Variants in PCDHGB5 observed in about 807,000 individuals in gnomAD.
The protein encoded by PCDHGB5 is protocadherin gamma-B5.
PCDHGB5 carries 48 observed loss-of-function variants against 62.9 expected under a neutral mutation model. The ratio of observed to expected loss-of-function variants is 0.76; its 90% CI spans 0.61 to 0.97. The LOEUF is 0.97. PCDHGB5 is among the 50% of genes least tolerant of loss of function. The pLI, the probability that PCDHGB5 is intolerant of heterozygous loss-of-function variation, is 0.00. For missense variants in PCDHGB5, 1,118 were observed against 1,198.6 expected (o/e 0.93, Z 0.99); for synonymous variants, 474 against 511.2 (o/e 0.93, Z 0.98).
intron 1 of PCDHGB5, chr5:141,418,934 G>T (rs1163951447): frequency 6.2e-7 from 1 of 1,614,056 alleles, no homozygotes; most frequent in African/African-American, 1.3e-5. Context: ...GATTATGGAG[G>T]ATTCCCCTCC....
intron 1 of PCDHGB5, chr5:141,415,444 T>A (rs770800491): frequency 1.9e-6 from 3 of 1,614,184 alleles, no homozygotes; most frequent in Non-Finnish European, 2.5e-6. Context: ...CCTGCAGACC[T>A]ATTCCCACGA....
rs1408248560 is a variant in PCDHGB5 at position 141,475,829 on chromosome 5, G to C, written c.2398-18978G>C. On this transcript the variant is annotated intron_variant, in intron 1 of 3. Coordinates refer to ENST00000617380, the MANE Select transcript of PCDHGB5 (RefSeq NM_018925.3). ...AAAGTGAAGTTCCTGGCGCTAGCGC[G>C]TGTCCTGCTCAGAGAGCCCGGCGCT... The C allele has an allele frequency of 1.0e-5, 4 of 386,748 alleles. No individual in the cohort carries two copies. In the South Asian group the frequency reaches 1.4e-4, roughly 14 times the overall value. The allele number at this position is 386,748 out of a possible 1,614,324, so 24.0% of individuals were successfully genotyped here. A position where few individuals can be genotyped will look rare whatever the true frequency, so the allele number is the denominator to read the frequency against.
intron 1 of PCDHGB5, chr5:141,420,411 T>C: frequency 8.1e-7 from 1 of 1,229,398 alleles, no homozygotes; most frequent in Non-Finnish European, 1.1e-6. Context: ...ATGGTTATCA[T>C]TATTAAAACA....
In PCDHGB5 at chr5:141,399,557, TG is replaced by T; in HGVS notation, c.1434del (p.Leu479Ter). The T allele has an allele frequency of 6.2e-7, 1 of 1,613,968 alleles. No homozygotes were observed. The highest frequency in any genetic ancestry group is 8.5e-7 in the Non-Finnish European group (1 of 1,179,868). Reference sequence around the variant, plus strand: ...CAAGTCTGCGCCTCGGACCTGGACTTGGGGTTGAACGGCCAAGTCTCCTACT... The same window carrying T: ...CAAGTCTGCGCCTCGGACCTGGACTTGGGTTGAACGGCCAAGTCTCCTACT... ...IAQVCASDLD[L>X]GLNGQVSYSI... On this transcript the variant is annotated frameshift_variant, in exon 1 of 4. Coordinates refer to ENST00000617380, the MANE Select transcript of PCDHGB5 (RefSeq NM_018925.3). LOFTEE classifies it high-confidence loss of function.
intron 1 of PCDHGB5, chr5:141,410,157 C>T: frequency 6.2e-7 from 1 of 1,613,546 alleles, no homozygotes; most frequent in Non-Finnish European, 8.5e-7. Context: ...GGTGGACAGC[C>T]GCCACTCTCT....
rs1445356223 is a variant in PCDHGB5, at chr5:141,490,414, G to T, written c.2398-4393G>T. On this transcript the variant is annotated intron_variant, in intron 1 of 3. Transcript: ENST00000617380. This position sits in a 1 kb window ranked among gnomAD's most constrained non-coding sequence, Gnocchi z 5.4. ...TGAAGTGAGCCTTGATATCTCTCCGGACCTGCCATTTCAGATTAAGCCTTC... is the reference window on the plus strand; with the variant it reads ...TGAAGTGAGCCTTGATATCTCTCCGTACCTGCCATTTCAGATTAAGCCTTC... The T allele has an allele frequency of 1.2e-6, 2 of 1,614,138 alleles. No homozygotes were observed. The highest frequency in any genetic ancestry group is 1.7e-6 in the Non-Finnish European group (2 of 1,180,024).
intron 1 of PCDHGB5, among the ~76,000 whole-genome samples, chr5:141,453,479 A>G (rs1345415084): frequency 1.3e-5 from 2 of 152,082 alleles, no homozygotes; most frequent in Non-Finnish European, 2.9e-5. Context: ...AGTCAAAACT[A>G]TTAAAAAAAG....
chr5:141,440,818 C>T (rs906112291), intron 1 of PCDHGB5: 2 of 152,124 alleles, frequency 1.3e-5, no homozygotes, highest in Non-Finnish European at 2.9e-5. Flanking sequence ...TCACTCAACT[C>T]CTGATCCTAT....
rs201704748 is a variant in PCDHGB5, at chr5:141,431,453, G to A, written c.2397+30929G>A. The A allele has an allele frequency of 5.7e-4, 914 of 1,613,802 alleles. 10 individuals are homozygous for A. The South Asian group carries it at 9.6e-3, about 17-fold the overall frequency. ...AGGCACCGCGCGCATCCGCGTGATG[G>A]TTCTGGATGCGAACGACAACGCACC... On this transcript the variant is annotated intron_variant, in intron 1 of 3. Coordinates refer to ENST00000617380, the MANE Select transcript of PCDHGB5 (RefSeq NM_018925.3). This position sits in a 1 kb window ranked among gnomAD's most constrained non-coding sequence, Gnocchi z 4.8.
At chr5:141,507,537 C>CA (rs140454890) in intron 3 of PCDHGB5, among the ~76,000 whole-genome samples, 3,617 of 152,286 alleles carry the variant, frequency 0.024, 53 homozygotes, top group East Asian at 0.043. Context: ...AGGCCAGAGA[C>CA]TGAGTATGAA....
chr5:141,427,768 A>C (rs1003238906), intron 1 of PCDHGB5: 4 of 1,393,994 alleles, frequency 2.9e-6, no homozygotes, highest in Non-Finnish European at 4.0e-6. Context: ...ACTGACTTGG[A>C]GCTGCGGGCA....
Position 141,491,078 on chromosome 5 carries a change from C to G in PCDHGB5, c.2398-3729C>G, listed in dbSNP as rs1386717886. The G allele has an allele frequency of 5.6e-6, 9 of 1,614,194 alleles. No homozygotes were observed. Among genetic ancestry groups the G allele is most frequent in the East Asian group, 4.5e-5 (2 of 44,882 alleles). ...CTCTCCTACTCACTGTTGCCACAGTCCACAGCCCCAGGACTGTTCCTCGTG... is the reference window on the plus strand; with the variant it reads ...CTCTCCTACTCACTGTTGCCACAGTGCACAGCCCCAGGACTGTTCCTCGTG... On this transcript the variant is annotated intron_variant, in intron 1 of 3. Transcript: ENST00000617380. This position sits in a 1 kb window ranked among gnomAD's most constrained non-coding sequence, Gnocchi z 6.9.
Position 141,490,046 on chromosome 5 carries a change from C to A in PCDHGB5, c.2398-4761C>A, listed in dbSNP as rs2099695274. ...CTGCTCCGCCTCAATGCCACTGATC[C>A]AGACGAGGGCACCAACGGCCAACTA... On this transcript the variant is annotated intron_variant, in intron 1 of 3. Transcript: ENST00000617380. This position sits in a 1 kb window ranked among gnomAD's most constrained non-coding sequence, Gnocchi z 5.4. 1 of 1,614,094 alleles carries A rather than the reference C, an allele frequency of 6.2e-7. No individual in the cohort carries two copies.
intron 1 of PCDHGB5, chr5:141,403,027 G>A: frequency 6.2e-7 from 1 of 1,614,070 alleles, no homozygotes; most frequent in East Asian, 2.2e-5. Context: ...TGCTATGGGA[G>A]GCCAGGGCCA....
At chr5:141,422,980 C>T in intron 1 of PCDHGB5, 1 of 1,614,232 alleles carries the variant, frequency 6.2e-7, no homozygotes, top group Middle Eastern at 1.7e-4. Flanking sequence ...CTCTGCGGAA[C>T]CTGGCTACCT....
At chr5:141,416,124 AT>A (rs1297389183) in intron 1 of PCDHGB5, 1 of 154,644 alleles carries the variant, frequency 6.5e-6, no homozygotes, top group Non-Finnish European at 1.4e-5. Flanking sequence ...CATTTTATAT[AT>A]TTTTCAATCT....
At position 141,511,542 on chromosome 5, in the gene PCDHGB5, A is replaced by C; in HGVS notation, c.*369A>C. The stretch of plus-strand genomic sequence containing the variant: ...CCCATGCCTCCCTCCTCCCCACCCC[A>C]CTCCAACAGTTCCTCTTTCCCGAGT... On this transcript the variant is annotated 3_prime_UTR_variant, in exon 4 of 4. Coordinates refer to ENST00000617380, the MANE Select transcript of PCDHGB5 (RefSeq NM_018925.3). 6.6e-6 allele frequency: 2 copies of C among 302,184 alleles called. No homozygotes were observed. The highest frequency in any genetic ancestry group is 3.7e-5 in the South Asian group (1 of 26,678). The allele number at this position is 302,184 out of a possible 1,614,324, so 18.7% of individuals were successfully genotyped here. A position where few individuals can be genotyped will look rare whatever the true frequency, so the allele number is the denominator to read the frequency against.
intron 1 of PCDHGB5, chr5:141,414,763 C>A: frequency 6.2e-7 from 1 of 1,614,258 alleles, no homozygotes; most frequent in Non-Finnish European, 8.5e-7. Flanking sequence ...TGAGCAGTTT[C>A]ATGAGCTACA....
At chr5:141,475,902 C>T (rs1296545944) in intron 1 of PCDHGB5, 1 of 576,594 alleles carries the variant, frequency 1.7e-6, no homozygotes, top group Non-Finnish European at 3.0e-6. Context: ...GTGCCGCTGT[C>T]GGCCAATGAA....
Sources: allele counts gnomAD v4.1 joint callset (sites outside exome capture counted in the v4.1 genomes callset), GRCh38; gene constraint gnomAD v4.1.1; non-coding constraint Gnocchi (gnomAD v3.1); transcripts MANE v1.5; gene names NCBI Gene and HGNC (gene_info 2026-07-23, HGNC 2026-07-21).